Variants in PIP4K2A observed in about 807,000 individuals in gnomAD.
PIP4K2A encodes phosphatidylinositol 5-phosphate 4-kinase type-2 alpha.
Under a neutral mutation model 42.9 loss-of-function variants are expected in PIP4K2A, and 14 were observed. The observed-to-expected ratio is 0.33, with a 90% CI of 0.22 to 0.51. The LOEUF is 0.51. Among genes scored for constraint, PIP4K2A ranks in the 20% least tolerant of loss-of-function variants. PIP4K2A has a pLI of 0.97. For missense variants in PIP4K2A, 434 were observed against 519.8 expected (o/e 0.83, Z 1.61); for synonymous variants, 192 against 192.2 (o/e 1.00, Z 0.01).
At chr10:22,658,640 T>C (rs974589413) in intron 1 of PIP4K2A, among the ~76,000 whole-genome samples, 3 of 152,206 alleles carry the variant, frequency 2.0e-5, no homozygotes, top group Non-Finnish European at 4.4e-5. Flanking sequence ...CAAATCTCTA[T>C]TTCATCAATC....
Position 22,702,753 on chromosome 10 carries a change from G to A in PIP4K2A, c.144+11430C>T, listed in dbSNP as rs144848387. Among the ~76,000 whole-genome samples the A allele has an allele frequency of 6.9e-4, 105 of 152,128 alleles. No individual in the cohort carries two copies. In the East Asian group the frequency reaches 0.013, roughly 19 times the overall value. On this transcript the variant is annotated intron_variant, in intron 1 of 9. Coordinates refer to ENST00000376573, the MANE Select transcript of PIP4K2A (RefSeq NM_005028.5). The stretch of plus-strand genomic sequence containing the variant: ...TTCTATGTTTATGAAAATTGAATAT[G>A]GGAGGCCTCATGGTATACCACCTGA...
At chr10:22,684,430 C>T (rs1024009366) in intron 1 of PIP4K2A, among the ~76,000 whole-genome samples, 28 of 152,162 alleles carry the variant, frequency 1.8e-4, no homozygotes, top group African/African-American at 6.5e-4. Flanking sequence ...CTGCCAAAAG[C>T]TAACACACAA....
At chr10:22,641,970 G>A (rs1050721030) in intron 1 of PIP4K2A, 1 of 152,290 alleles carries the variant, frequency 6.6e-6, no homozygotes, top group African/African-American at 2.4e-5. Context: ...TTCTTTCCAG[G>A]ATCTGACCTT....
rs188727207 is a variant in PIP4K2A at position 22,675,315 on chromosome 10, C to T, written c.144+38868G>A. Among the ~76,000 whole-genome samples the T allele has an allele frequency of 5.9e-5, 9 of 152,252 alleles. No individual in the cohort carries two copies. The East Asian group carries it at 1.5e-3, about 26-fold the overall frequency. On this transcript the variant is annotated intron_variant, in intron 1 of 9. Coordinates refer to ENST00000376573, the MANE Select transcript of PIP4K2A (RefSeq NM_005028.5). ...AACATTGTTGAGGAGAAGCCAGGCA[C>T]GGTGGCTCACACCTGTAATCCCAGC...
chr10:22,710,454 G>T (rs899246210), intron 1 of PIP4K2A, among the ~76,000 whole-genome samples: 2 of 152,250 alleles, frequency 1.3e-5, no homozygotes, highest in African/African-American at 2.4e-5. Context: ...TCCTTCCACG[G>T]TATTTTTATA....
intron 1 of PIP4K2A, among the ~76,000 whole-genome samples, chr10:22,655,411 T>A (rs972418532): frequency 9.2e-5 from 14 of 152,182 alleles, no homozygotes; most frequent in Admixed American, 1.3e-4. Context: ...AGAACCATGG[T>A]AATTTATGTT....
intron 5 of PIP4K2A, among the ~76,000 whole-genome samples, chr10:22,570,868 C>T (rs1321169218): frequency 1.3e-5 from 2 of 151,744 alleles, no homozygotes; most frequent in African/African-American, 2.4e-5. Context: ...AAAAAACCAG[C>T]ACCATCTAAG....
At chr10:22,640,039 T>TCC (rs1838748098) in intron 1 of PIP4K2A, among the ~76,000 whole-genome samples, 1 of 129,930 alleles carries the variant, frequency 7.7e-6, no homozygotes. Context: ...TTTTTTTTTT[T>TCC]TTTAAGGAAA....
At chr10:22,576,329 T>G (rs963096191) in intron 4 of PIP4K2A, among the ~76,000 whole-genome samples, 1 of 152,330 alleles carries the variant, frequency 6.6e-6, no homozygotes, top group African/African-American at 2.4e-5. Flanking sequence ...TGTAGGCAGA[T>G]GTTGACACAA....
Position 22,536,158 on chromosome 10 carries a change from T to A in PIP4K2A, c.*1043A>T, listed in dbSNP as rs1436418221. 1 of 398,418 alleles carries A rather than the reference T, an allele frequency of 2.5e-6. No homozygotes were observed. Among genetic ancestry groups the A allele is most frequent in the Non-Finnish European group, 4.4e-6 (1 of 226,032 alleles). 24.7% of individuals were successfully genotyped at this position (398,418 alleles called of 1,614,324 possible). A position where few individuals can be genotyped will look rare whatever the true frequency, so the allele number is the denominator to read the frequency against. ...ATAATTCGTAACAAAATCCCATTGT[T>A]GAAACAATGGTCAAACATAAACATC... On this transcript the variant is annotated 3_prime_UTR_variant, in exon 10 of 10. Transcript: ENST00000376573.
chr10:22,550,188 T>C (rs535063701), intron 7 of PIP4K2A, among the ~76,000 whole-genome samples: 3 of 152,300 alleles, frequency 2.0e-5, no homozygotes, highest in African/African-American at 4.8e-5. Context: ...CTGGTGGAGA[T>C]AGGAAAGCAT....
intron 1 of PIP4K2A, among the ~76,000 whole-genome samples, chr10:22,649,943 C>A: frequency 6.6e-6 from 1 of 152,186 alleles, no homozygotes; most frequent in South Asian, 2.1e-4. Context: ...TCCCCTGTAT[C>A]GCTGCAAGAG....
chr10:22,623,040 T>G (rs990474433), intron 1 of PIP4K2A, among the ~76,000 whole-genome samples: 1 of 152,174 alleles, frequency 6.6e-6, no homozygotes, highest in Non-Finnish European at 1.5e-5. Flanking sequence ...ACAAGCATAT[T>G]ACCTAGCAAA....
rs1287848171 is a variant in PIP4K2A at position 22,609,673 on chromosome 10, T to C, written c.189A>G (p.Pro63=). The C allele has an allele frequency of 1.2e-6, 2 of 1,610,418 alleles. No homozygotes were observed. The highest frequency in any genetic ancestry group is 1.7e-5 in the Admixed American group (1 of 59,752). Residue 63 remains proline, a synonymous_variant, in exon 2 of 10, where the codon CCA becomes CCG. Transcript: ENST00000376573. ...SHVQIPVMLM[P]DDFKAYSKIK... ...TTTTTGAATAGGCTTTGAAGTCATC[T>C]GGCATCAACATAACAGGGATTTGAA...
At chr10:22,581,996 T>C (rs1225227052) in intron 4 of PIP4K2A, among the ~76,000 whole-genome samples, 2 of 151,990 alleles carry the variant, frequency 1.3e-5, no homozygotes, top group African/African-American at 4.8e-5. Context: ...CATGCCTGTA[T>C]TCCCAGCTAC....
intron 3 of PIP4K2A, among the ~76,000 whole-genome samples, chr10:22,602,728 G>A (rs1259519319): frequency 6.6e-6 from 1 of 152,020 alleles, no homozygotes; most frequent in African/African-American, 2.4e-5. Flanking sequence ...TATTTTTCAT[G>A]TTTTTAGAGA....
chr10:22,614,106 G>C (rs768318143), intron 1 of PIP4K2A, among the ~76,000 whole-genome samples: 1 of 152,184 alleles, frequency 6.6e-6, no homozygotes, highest in African/African-American at 2.4e-5. Context: ...TGGCCCTTGA[G>C]GGACGGAGAG....
At chr10:22,646,933 A>AAAC (rs1554805254) in intron 1 of PIP4K2A, among the ~76,000 whole-genome samples, 4 of 82,478 alleles carry the variant, frequency 4.8e-5, no homozygotes, top group African/African-American at 1.7e-4. Context: ...AAACAAAACA[A>AAAC]AAAACAAAAC....
intron 1 of PIP4K2A, 135 bp from the exon 2 acceptor site, chr10:22,609,852 C>T (rs903353090): frequency 2.2e-5 from 13 of 587,818 alleles, no homozygotes; most frequent in Non-Finnish European, 3.6e-5. Context: ...CACCCTCCTT[C>T]CCTCTGCCAT....
Sources: gnomAD v4.1 joint callset for allele counts (sites outside exome capture counted in the v4.1 genomes callset) on GRCh38, gnomAD v4.1.1 for gene constraint, MANE v1.5 for transcripts, NCBI Gene and HGNC (gene_info 2026-07-23, HGNC 2026-07-21) for gene names.